Variants in CASQ2 observed in about 807,000 individuals in gnomAD.
The protein encoded by CASQ2 is calsequestrin-2.
Under a neutral mutation model 46.5 loss-of-function variants are expected in CASQ2, and 49 were observed. That is an observed-to-expected ratio of 1.05 (90% confidence interval 0.84 to 1.34). The LOEUF is 1.34. CASQ2 is among the 40% of genes most tolerant of loss of function. CASQ2 has a pLI of 0.00. For missense variants in CASQ2, 486 were observed against 481.3 expected (o/e 1.01, Z -0.09); for synonymous variants, 174 against 168.5 (o/e 1.03, Z -0.25).
At chr1:115,762,280 A>G (rs1305146114) in intron 1 of CASQ2, among the ~76,000 whole-genome samples, 2 of 152,222 alleles carry the variant, frequency 1.3e-5, no homozygotes, top group South Asian at 2.1e-4. Context: ...CTTGTTCCTT[A>G]TCCATACATT....
rs745915761 is a variant in CASQ2, at chr1:115,744,921, AC to A, written c.235-10del. The A allele has an allele frequency of 5.0e-6, 8 of 1,599,158 alleles. No individual in the cohort carries two copies. The highest frequency in any genetic ancestry group is 1.6e-4 in the Middle Eastern group (1 of 6,068). ...AGGACCTGGGCCACAAGCTGAAGAA[AC>A]AAATGGAAAGATGAGTGTGCTAAGG... On this transcript the variant is annotated splice_polypyrimidine_tract_variant and intron_variant, in intron 1 of 10. Transcript: ENST00000261448.
intron 5 of CASQ2, among the ~76,000 whole-genome samples, chr1:115,730,319 C>G (rs1006085584): frequency 1.3e-5 from 2 of 152,198 alleles, no homozygotes; most frequent in African/African-American, 4.8e-5. Flanking sequence ...TCTTTACAGT[C>G]TTGCAACTCA....
chr1:115,714,890 A>T (rs1000648462), intron 8 of CASQ2, among the ~76,000 whole-genome samples: 2 of 152,246 alleles, frequency 1.3e-5, no homozygotes, highest in Non-Finnish European at 2.9e-5. Context: ...GGAAAGGCAC[A>T]GCTTCAGGCC....
At position 115,726,999 on chromosome 1, in the gene CASQ2, G is replaced by A. The variant is rs142036299; in HGVS notation, c.730C>T (p.His244Tyr). Residue 244 changes from histidine (H) to tyrosine (Y), a missense_variant, in exon 6 of 11, where the codon CAC becomes TAC. Transcript: ENST00000261448. ...ACATGCCATCTCAGGCACCTTTGGT[G>A]TTCCTTCACAAACTCCACCAGCTCC... is the stretch of plus-strand genomic sequence containing the variant. ...EEELVEFVKE[H>Y]QRPTLRRLRP... is the part of the protein sequence containing the mutation. 210 of 1,608,828 alleles carry A rather than the reference G, an allele frequency of 1.3e-4. 1 individual carries two copies. In the African/African-American group the frequency reaches 2.2e-3, roughly 17 times the overall value.
In CASQ2 at chr1:115,700,784, G is replaced by A. The variant is rs375002557; in HGVS notation, c.*457C>T. 1.5e-4 allele frequency: 67 copies of A among 450,538 alleles called. No individual in the cohort carries two copies. The East Asian group carries it at 1.7e-3, about 12-fold the overall frequency. The allele number at this position is 450,538 out of a possible 1,614,324, so 27.9% of individuals were successfully genotyped here. A position where few individuals can be genotyped will look rare whatever the true frequency, so the allele number is the denominator to read the frequency against. ...GGAGGAGGGATCCCAACTGATGTTCGAGGTATGGAGGGAGCTAAATCATTA... is the reference window on the plus strand; with the variant it reads ...GGAGGAGGGATCCCAACTGATGTTCAAGGTATGGAGGGAGCTAAATCATTA... On this transcript the variant is annotated 3_prime_UTR_variant, in exon 11 of 11. Coordinates refer to ENST00000261448, the MANE Select transcript of CASQ2 (RefSeq NM_001232.4).
intron 8 of CASQ2, among the ~76,000 whole-genome samples, chr1:115,707,051 T>A (rs1337978455): frequency 6.8e-6 from 1 of 146,540 alleles, no homozygotes; most frequent in Non-Finnish European, 1.5e-5. Flanking sequence ...TTTTTTTTTG[T>A]CTGTTGCCCA....
chr1:115,729,861 C>G (rs1227189822), intron 5 of CASQ2, among the ~76,000 whole-genome samples: 1 of 152,288 alleles, frequency 6.6e-6, no homozygotes, highest in East Asian at 1.9e-4. Flanking sequence ...CACCCTTTGG[C>G]TCCAGTGTGA....
intron 8 of CASQ2, among the ~76,000 whole-genome samples, chr1:115,705,840 G>A (rs1157200807): frequency 8.5e-6 from 1 of 117,668 alleles, no homozygotes; most frequent in African/African-American, 3.2e-5. Context: ...CTATTTCCTT[G>A]TATACTGGGC....
At chr1:115,721,617 G>C (rs1647378024) in intron 7 of CASQ2, among the ~76,000 whole-genome samples, 1 of 152,074 alleles carries the variant, frequency 6.6e-6, no homozygotes, top group Non-Finnish European at 1.5e-5. Context: ...TGTTGCCCAG[G>C]TTGGAGTGCA....
chr1:115,755,198 G>T (rs1049977380), intron 1 of CASQ2, among the ~76,000 whole-genome samples: 7 of 152,174 alleles, frequency 4.6e-5, no homozygotes, highest in African/African-American at 1.7e-4. Context: ...AAATATTATT[G>T]CAATGGAATT....
intron 1 of CASQ2, among the ~76,000 whole-genome samples, chr1:115,757,911 T>A (rs1431850156): frequency 2.6e-5 from 4 of 152,164 alleles, no homozygotes; most frequent in African/African-American, 9.7e-5. Flanking sequence ...TTTCCCTTCT[T>A]CCCCTCTCCA....
chr1:115,709,010 G>A (rs1258292548), intron 8 of CASQ2, among the ~76,000 whole-genome samples: 1 of 152,198 alleles, frequency 6.6e-6, no homozygotes, highest in East Asian at 1.9e-4. Context: ...TTGCTTTTAA[G>A]GCATTAGCTT....
Position 115,725,370 on chromosome 1 carries a change from C to A in CASQ2, c.783+138G>T, listed in dbSNP as rs1647543290. 5.1e-6 allele frequency: 5 copies of A among 983,258 alleles called. No individual in the cohort carries two copies. In the Admixed American group the frequency reaches 8.7e-5, roughly 17 times the overall value. The allele number at this position is 983,258 out of a possible 1,614,324, so 60.9% of individuals were successfully genotyped here. On this transcript the variant is annotated intron_variant, in intron 7 of 10. Transcript: ENST00000261448. ...TTCTGAGCCGTCGTACCCAATCTGT[C>A]CATGTTTCAAATACTCATCTAGACA... is the stretch of plus-strand genomic sequence containing the variant.
intron 1 of CASQ2, among the ~76,000 whole-genome samples, chr1:115,749,190 G>A (rs1648489281): frequency 6.6e-6 from 1 of 152,144 alleles, no homozygotes; most frequent in Non-Finnish European, 1.5e-5. Context: ...AATAACCAAT[G>A]ACATAAAATA....
At chr1:115,707,721 G>A (rs1654406657) in intron 8 of CASQ2, among the ~76,000 whole-genome samples, 1 of 152,216 alleles carries the variant, frequency 6.6e-6, no homozygotes, top group Non-Finnish European at 1.5e-5. Flanking sequence ...TTCAGTTACT[G>A]TTTTTAGCTG....
In CASQ2 at chr1:115,726,973, C is replaced by T. The variant is rs761915819; in HGVS notation, c.737+19G>A. 3 of 1,591,684 alleles carry T rather than the reference C, an allele frequency of 1.9e-6. No individual in the cohort carries two copies. The highest frequency in any genetic ancestry group is 2.3e-5 in the East Asian group (1 of 44,368). ...CCCCAGACCCCAGGCCCCCAGCCCCCACATGCCATCTCAGGCACCTTTGGT... is the reference window on the plus strand; with the variant it reads ...CCCCAGACCCCAGGCCCCCAGCCCCTACATGCCATCTCAGGCACCTTTGGT... On this transcript the variant is annotated intron_variant, in intron 6 of 10. Transcript: ENST00000261448.
Position 115,717,849 on chromosome 1 carries a change from T to C in CASQ2, c.829A>G (p.Ser277Gly), listed in dbSNP as rs1647217380. The change falls in exon 8 of 11, where the codon AGT (serine) becomes GGT (glycine). Residue 277 changes from serine to glycine, a missense_variant. Transcript: ENST00000261448. The stretch of plus-strand genomic sequence containing the variant: ...GTTGAAGGTTTCCTACCTGGATCAC[T>C]CTTCTCTGCAAAGGCCACAATGTGG... ...GIHIVAFAEK[S>G]DPDGYEFLEI... is the part of the protein sequence containing the mutation. 6.2e-7 allele frequency: 1 copy of C among 1,610,706 alleles called. No homozygotes were observed. The highest frequency in any genetic ancestry group is 2.2e-5 in the East Asian group (1 of 44,868).
intron 1 of CASQ2, among the ~76,000 whole-genome samples, chr1:115,766,800 G>A (rs1455926996): frequency 6.6e-6 from 1 of 151,986 alleles, no homozygotes; most frequent in Non-Finnish European, 1.5e-5. Flanking sequence ...GGTAAGCCCA[G>A]GGGAAGTTTC....
At chr1:115,745,566 T>C (rs1648360618) in intron 1 of CASQ2, among the ~76,000 whole-genome samples, 1 of 151,982 alleles carries the variant, frequency 6.6e-6, no homozygotes, top group Non-Finnish European at 1.5e-5. Flanking sequence ...CCAGCATAGA[T>C]GATGACATCA....
Sources: gnomAD v4.1 joint callset for allele counts (sites outside exome capture counted in the v4.1 genomes callset) on GRCh38, gnomAD v4.1.1 for gene constraint, MANE v1.5 for transcripts, NCBI Gene and HGNC (gene_info 2026-07-23, HGNC 2026-07-21) for gene names.